Variants in RELN observed in about 807,000 individuals in gnomAD.
RELN encodes reelin.
Under a neutral mutation model 427.6 loss-of-function variants are expected in RELN, and 108 were observed. The ratio of observed to expected loss-of-function variants is 0.25; its 90% CI spans 0.22 to 0.30. The LOEUF is 0.30. Ranked by LOEUF, RELN falls within the 10% of genes least tolerant of loss-of-function variation. The pLI, the probability that RELN is intolerant of heterozygous loss-of-function variation, is 1.00. For missense variants in RELN, 3,715 were observed against 4,302.8 expected (o/e 0.86, Z 3.82); for synonymous variants, 1,524 against 1,513.4 (o/e 1.01, Z -0.16).
intron 50 of RELN, chr7:103,513,824 AAT>A (rs897165509): frequency 6.6e-6 from 1 of 152,152 alleles, no homozygotes; most frequent in Non-Finnish European, 1.5e-5. Context: ...TTTTGTTAAA[AAT>A]ATGTTTATGT....
intron 24 of RELN, among the ~76,000 whole-genome samples, chr7:103,602,648 A>C (rs560687905): frequency 2.0e-5 from 3 of 150,668 alleles, no homozygotes; most frequent in African/African-American, 7.4e-5. Context: ...ACATGGCCAC[A>C]GGGAGGGGAA....
chr7:103,522,162 G>T lies in RELN; in HGVS notation c.7528C>A (p.Pro2510Thr). The T allele has an allele frequency of 1.9e-6, 3 of 1,613,982 alleles. No homozygotes were observed. The South Asian group carries it at 3.3e-5, about 18-fold the overall frequency. Residue 2510 changes from proline (P) to threonine (T), a missense_variant, in exon 48 of 65, where the codon CCC (proline) becomes ACC (threonine). This residue lies in a region of RELN where 1,310 missense variants were observed against 1,643.0 expected (regional missense o/e 0.80). Transcript: ENST00000428762. ...AGTTGGGTTGGAAGAGAGGTCTCGG[G>T]GTCATCACAGTACAGGCCACCCCAC... ...EQWGGLYCDD[P>T]ETSLPTQLKD...
At chr7:103,938,966 G>T (rs10245406) in intron 1 of RELN, among the ~76,000 whole-genome samples, 57,799 of 150,724 alleles carry the variant, frequency 0.38, 12,211 homozygotes, top group Non-Finnish European at 0.47. Context: ...CTCTGAAACA[G>T]AATTTAATTC....
At chr7:103,853,542 A>T (rs1446891095) in intron 2 of RELN, among the ~76,000 whole-genome samples, 1 of 152,010 alleles carries the variant, frequency 6.6e-6, no homozygotes. Flanking sequence ...CAAACCTGAC[A>T]TCATTTCCAG....
rs1831928576 is a variant in RELN, at chr7:103,610,630, C to A, written c.3008+65G>T. ...CAAGTCATACTTGAATCAATAGAGA[C>A]AGAATTGAATCAAAAGGGATAGTCA... is the stretch of plus-strand genomic sequence containing the variant. On this transcript the variant is annotated intron_variant, in intron 22 of 64. Coordinates refer to ENST00000428762, the MANE Select transcript of RELN (RefSeq NM_005045.4). The A allele has an allele frequency of 4.8e-6, 4 of 837,766 alleles. No homozygotes were observed. The East Asian group carries it at 9.7e-5, about 20-fold the overall frequency. The allele number at this position is 837,766 out of a possible 1,614,324, so 51.9% of individuals were successfully genotyped here.
At chr7:103,803,520 G>A (rs941998732) in intron 3 of RELN, among the ~76,000 whole-genome samples, 3 of 152,062 alleles carry the variant, frequency 2.0e-5, no homozygotes, top group African/African-American at 7.2e-5. Context: ...CTAACTCCAT[G>A]ACTACCTGGT....
chr7:103,834,090 G>T (rs1192697508), intron 2 of RELN, among the ~76,000 whole-genome samples: 2 of 152,148 alleles, frequency 1.3e-5, no homozygotes, highest in African/African-American at 4.8e-5. Flanking sequence ...GCTTGTGTTA[G>T]GTTATTTCAG....
chr7:103,867,440 GCTA>G (rs777977626), intron 2 of RELN, among the ~76,000 whole-genome samples: 1 of 151,670 alleles, frequency 6.6e-6, no homozygotes, highest in Non-Finnish European at 1.5e-5. Context: ...GAAGACTCGT[GCTA>G]CTTTTTGTTT....
At chr7:103,822,480 C>T (rs1457213978) in intron 3 of RELN, among the ~76,000 whole-genome samples, 1 of 151,962 alleles carries the variant, frequency 6.6e-6, no homozygotes, top group Non-Finnish European at 1.5e-5. Flanking sequence ...TAATATAAAG[C>T]TAGCTGTCAC....
chr7:103,942,400 C>T (rs758071373), intron 1 of RELN, among the ~76,000 whole-genome samples: 7 of 152,138 alleles, frequency 4.6e-5, no homozygotes, highest in East Asian at 1.9e-4. Context: ...ATTTGTCTTT[C>T]GGTGTCTGGC....
chr7:103,860,703 A>G (rs1285694707), intron 2 of RELN, among the ~76,000 whole-genome samples: 1 of 152,058 alleles, frequency 6.6e-6, no homozygotes, highest in Non-Finnish European at 1.5e-5. Flanking sequence ...GAGCCACCGC[A>G]CCCGGCCCCA....
chr7:103,747,372 C>A (rs1375985628), intron 6 of RELN, among the ~76,000 whole-genome samples: 1 of 151,442 alleles, frequency 6.6e-6, no homozygotes, highest in Non-Finnish European at 1.5e-5. Flanking sequence ...GTGTAACAAA[C>A]CTGCACGTTG....
At chr7:103,903,045 T>A (rs1402748961) in intron 2 of RELN, among the ~76,000 whole-genome samples, 1 of 152,074 alleles carries the variant, frequency 6.6e-6, no homozygotes, top group Non-Finnish European at 1.5e-5. Context: ...AACTCATTCA[T>A]CATTATCTGG....
At chr7:103,785,340 G>T (rs186340410) in intron 3 of RELN, among the ~76,000 whole-genome samples, 1 of 152,098 alleles carries the variant, frequency 6.6e-6, no homozygotes, top group Non-Finnish European at 1.5e-5. Flanking sequence ...TGGAAAAATG[G>T]CATGTCAATT....
chr7:103,819,819 A>G (rs2116367656), intron 3 of RELN, among the ~76,000 whole-genome samples: 1 of 152,192 alleles, frequency 6.6e-6, no homozygotes, highest in Admixed American at 6.5e-5. Context: ...ACTGATCAGA[A>G]TAAAAATCAG....
chr7:103,872,933 G>GT (rs534099553), intron 2 of RELN, among the ~76,000 whole-genome samples: 314 of 150,950 alleles, frequency 2.1e-3, no homozygotes, highest in Non-Finnish European at 3.6e-3. Context: ...TTGTAAATTT[G>GT]TTTGAGTTCA....
At chr7:103,694,553 C>G (rs1301771303) in intron 10 of RELN, among the ~76,000 whole-genome samples, 1 of 151,704 alleles carries the variant, frequency 6.6e-6, no homozygotes. Context: ...ATGGTGAGTG[C>G]CTAGAACAGT....
Position 103,682,258 on chromosome 7 carries a change from T to G in RELN, c.1147A>C (p.Ser383Arg). 3.7e-6 allele frequency: 6 copies of G among 1,613,970 alleles called. No homozygotes were observed. The highest frequency in any genetic ancestry group is 5.1e-6 in the Non-Finnish European group (6 of 1,179,856). ...ATGGAGTTCCCATCTGACTGACAGCTATGCTGTAGGTGAAAAGAGAGCACG... is the reference window on the plus strand; with the variant it reads ...ATGGAGTTCCCATCTGACTGACAGCGATGCTGTAGGTGAAAAGAGAGCACG... ...LFFPGATVKH[S>R]CQSDGNSIYF... The change falls in exon 11 of 65, where the codon AGC (serine) becomes CGC (arginine). Residue 383 changes from serine (S) to arginine (R), a missense_variant. By Grantham distance (110) the Ser-to-Arg change is moderately radical (BLOSUM62 -1). This residue lies in a region of RELN where 2,208 missense variants were observed against 2,361.7 expected (regional missense o/e 0.93). Coordinates refer to ENST00000428762, the MANE Select transcript of RELN (RefSeq NM_005045.4).
In RELN at chr7:103,561,529, G is replaced by A; in HGVS notation, c.5529+3C>T. On this transcript the variant is annotated splice_donor_region_variant and intron_variant, in intron 36 of 64. Transcript: ENST00000428762. ...GGGAAGGAGAATCTTATCTGTATCTGACCCCTTTAAAAATTAGAGATGTTC... is the reference window on the plus strand; with the variant it reads ...GGGAAGGAGAATCTTATCTGTATCTAACCCCTTTAAAAATTAGAGATGTTC... The A allele has an allele frequency of 6.2e-7, 1 of 1,607,572 alleles. No homozygotes were observed. Among genetic ancestry groups the A allele is most frequent in the East Asian group, 2.2e-5 (1 of 44,850 alleles).
Sources: gnomAD v4.1 joint callset for allele counts (sites outside exome capture counted in the v4.1 genomes callset) on GRCh38, gnomAD v4.1.1 for gene constraint, gnomAD v4.1.1 regional missense constraint, MANE v1.5 for transcripts, NCBI Gene and HGNC (gene_info 2026-07-23, HGNC 2026-07-21) for gene names.